Variants in SNX4 observed in about 807,000 individuals in gnomAD.
SNX4 encodes the protein sorting nexin 4.
Under a neutral mutation model 70.8 loss-of-function variants are expected in SNX4, and 49 were observed. The observed-to-expected ratio is 0.69, with a 90% confidence interval of 0.55 to 0.88. SNX4 has a LOEUF of 0.88. Ranked by LOEUF, SNX4 falls within the 40% of genes least tolerant of loss-of-function variation. SNX4 has a pLI of 0.00. For missense variants in SNX4, 528 were observed against 544.8 expected (o/e 0.97, Z 0.31); for synonymous variants, 206 against 183.8 (o/e 1.12, Z -0.98).
At position 125,462,593 on chromosome 3, in the gene SNX4, CAAAAAAA is replaced by C. The variant is rs34157775; in HGVS notation, c.855-1740_855-1734del. Reference sequence around the variant, plus strand: ...GTGACAGAGTTAGACTCTGTCTCACCAAAAAAAAAAAAAAAAAAAAAAAGAGAGAAGA... The same window carrying C: ...GTGACAGAGTTAGACTCTGTCTCACCAAAAAAAAAAAAAAAAGAGAGAAGA... On this transcript the variant is annotated intron_variant, in intron 9 of 13. Coordinates refer to ENST00000251775, the MANE Select transcript of SNX4 (RefSeq NM_003794.4). 9.9e-3 allele frequency among the ~76,000 whole-genome samples: 476 copies of C among 48,260 alleles called. 7 individuals are homozygous for C. The highest frequency in any genetic ancestry group is 0.062 in the Admixed American group (255 of 4,126). 31.7% of individuals were successfully genotyped at this position (48,260 alleles called of 152,430 possible).
intron 7 of SNX4, among the ~76,000 whole-genome samples, chr3:125,478,182 C>T (rs1478703528): frequency 3.9e-5 from 6 of 151,942 alleles, no homozygotes; most frequent in East Asian, 1.9e-4. Context: ...TGGGTTCAAG[C>T]GATTATCCCA....
intron 9 of SNX4, among the ~76,000 whole-genome samples, chr3:125,468,622 G>C (rs532690125): frequency 6.6e-6 from 1 of 152,296 alleles, no homozygotes; most frequent in South Asian, 2.1e-4. Flanking sequence ...AAGGCAGGAG[G>C]ATTGCTTAAG....
rs145352888 is a variant in SNX4 at position 125,455,088 on chromosome 3, C to T, written c.1045-1133G>A. Among the ~76,000 whole-genome samples, 29 of 152,194 alleles carry T rather than the reference C, an allele frequency of 1.9e-4. No individual in the cohort carries two copies. The East Asian group carries it at 5.6e-3, about 29-fold the overall frequency. On this transcript the variant is annotated intron_variant, in intron 11 of 13. Transcript: ENST00000251775. ...GGACCACAGGTGCATGCCACCACACCCAGCTAATTTTTAAATTTTTGGTAA... is the reference window on the plus strand; with the variant it reads ...GGACCACAGGTGCATGCCACCACACTCAGCTAATTTTTAAATTTTTGGTAA...
At chr3:125,450,183 T>A (rs1933538512) in intron 13 of SNX4, among the ~76,000 whole-genome samples, 1 of 152,180 alleles carries the variant, frequency 6.6e-6, no homozygotes, top group African/African-American at 2.4e-5. Flanking sequence ...AAGATAGAGA[T>A]GCTACCAAAC....
chr3:125,497,689 A>T, intron 4 of SNX4, 145 bp downstream of exon 4: 1 of 608,422 alleles, frequency 1.6e-6, no homozygotes, highest in Non-Finnish European at 2.7e-6. Flanking sequence ...CAAAAGAATG[A>T]CATAATCCAT....
intron 1 of SNX4, among the ~76,000 whole-genome samples, chr3:125,506,332 C>A (rs1303955688): frequency 1.3e-5 from 2 of 148,956 alleles, no homozygotes; most frequent in Non-Finnish European, 1.5e-5. Context: ...GACTTTATCC[C>A]TTTTTTCATT....
intron 6 of SNX4, among the ~76,000 whole-genome samples, chr3:125,487,836 C>G (rs1208983400): frequency 6.6e-6 from 1 of 151,276 alleles, no homozygotes; most frequent in Non-Finnish European, 1.5e-5. Context: ...TGAACAGGTG[C>G]AGTAGAGAGG....
chr3:125,498,067 CT>C lies in SNX4; in HGVS notation c.390del (p.Glu131LysfsTer28). On this transcript the variant is annotated frameshift_variant, in exon 3 of 14. Coordinates refer to ENST00000251775, the MANE Select transcript of SNX4 (RefSeq NM_003794.4). LOFTEE classifies it high-confidence loss of function. Reference protein sequence around the residue: ...YYPHIVVPPLPEKRAEFVWHK... With the variant: ...YYPHIVVPPLXEKRAEFVWHK... ...GCCATTTCACTTCTTACCCGTTTTT[CT>C]GGCAGAGGTGGCACAACAATATGTG... 6.2e-7 allele frequency: 1 copy of C among 1,613,864 alleles called. No homozygotes were observed.
chr3:125,486,734 T>C (rs1004255354), intron 6 of SNX4, among the ~76,000 whole-genome samples: 12 of 152,120 alleles, frequency 7.9e-5, no homozygotes, highest in African/African-American at 1.2e-4. Context: ...TAAATGGAGA[T>C]AGACCTTGGG....
chr3:125,520,020 C>A lies in SNX4; in HGVS notation c.141+12G>T. On this transcript the variant is annotated intron_variant, in intron 1 of 13. Transcript: ENST00000251775. ...CACAGGCCATGAGGGCTCTGCCGCCCCTTCTCCTCACCGTGTCGACCCCAG... is the reference window on the plus strand; with the variant it reads ...CACAGGCCATGAGGGCTCTGCCGCCACTTCTCCTCACCGTGTCGACCCCAG... 1 of 1,559,736 alleles carries A rather than the reference C, an allele frequency of 6.4e-7. No homozygotes were observed.
At chr3:125,495,909 C>G (rs530391801) in intron 5 of SNX4, among the ~76,000 whole-genome samples, 29 of 152,276 alleles carry the variant, frequency 1.9e-4, no homozygotes, top group Non-Finnish European at 3.4e-4. Flanking sequence ...CAAGTTATTT[C>G]AGATCCATCC....
chr3:125,487,301 G>A (rs949774991), intron 6 of SNX4, among the ~76,000 whole-genome samples: 1 of 151,962 alleles, frequency 6.6e-6, no homozygotes, highest in African/African-American at 2.4e-5. Flanking sequence ...ACTTTAGCAA[G>A]AACATAAGGG....
intron 9 of SNX4, among the ~76,000 whole-genome samples, chr3:125,462,980 T>C (rs115645932): frequency 2.5e-3 from 374 of 152,330 alleles, no homozygotes; most frequent in African/African-American, 8.6e-3. Context: ...TCTGATAGCA[T>C]TGTAAATTCC....
In SNX4 at chr3:125,464,460, T is replaced by C. The variant is rs190941686; in HGVS notation, c.855-3600A>G. 3.5e-3 allele frequency among the ~76,000 whole-genome samples: 533 copies of C among 152,108 alleles called. 4 individuals carry two copies. The highest frequency in any genetic ancestry group is 0.012 in the African/African-American group (502 of 41,516). On this transcript the variant is annotated intron_variant, in intron 9 of 13. Coordinates refer to ENST00000251775, the MANE Select transcript of SNX4 (RefSeq NM_003794.4). Reference sequence around the variant, plus strand: ...AGATAAGGCTCAAGGTTTTTTTTTTTCCATGTAGATATCCAGTTATTCCAA... The same window carrying C: ...AGATAAGGCTCAAGGTTTTTTTTTTCCCATGTAGATATCCAGTTATTCCAA...
intron 9 of SNX4, among the ~76,000 whole-genome samples, chr3:125,462,790 A>AGTGAGCCCCAAAATTGGAG (rs1933917283): frequency 6.6e-6 from 1 of 152,102 alleles, no homozygotes; most frequent in Admixed American, 6.5e-5. Context: ...ATGCAGGACA[A>AGTGAGCCCCAAAATTGGAG]GTGAGCCCCA....
chr3:125,518,467 A>G (rs1214335531), intron 1 of SNX4, among the ~76,000 whole-genome samples: 1 of 140,864 alleles, frequency 7.1e-6, no homozygotes, highest in Non-Finnish European at 1.6e-5. Flanking sequence ...GTCTCAAAGA[A>G]AAAAAAAGCA....
intron 1 of SNX4, 127 bp downstream of exon 1, chr3:125,519,905 C>G (rs993707997): frequency 2.3e-6 from 2 of 866,270 alleles, no homozygotes; most frequent in East Asian, 6.6e-5. Flanking sequence ...CCTCGCTCCC[C>G]CTCACTGCTG....
chr3:125,468,068 AATAGATGCAGCAATAAGGATGCAGCAAC>A (rs1462994279), intron 9 of SNX4, among the ~76,000 whole-genome samples: 64 of 152,364 alleles, frequency 4.2e-4, no homozygotes, highest in African/African-American at 1.5e-3. Flanking sequence ...CATGTAAGAG[AATAGATGCAGCAATAAGGATGCAGCAAC>A]ATGGATGCAG....
intron 5 of SNX4, among the ~76,000 whole-genome samples, chr3:125,496,790 T>C (rs534039361): frequency 5.4e-4 from 82 of 152,250 alleles, no homozygotes; most frequent in African/African-American, 1.8e-3. Context: ...AACTAAATAA[T>C]CCTGTACCAC....
Sources: allele counts gnomAD v4.1 joint callset (sites outside exome capture counted in the v4.1 genomes callset), GRCh38; gene constraint gnomAD v4.1.1; transcripts MANE v1.5; gene names NCBI Gene and HGNC (gene_info 2026-07-23, HGNC 2026-07-21).